Variants in PDE4B observed in about 807,000 individuals in gnomAD.
The protein encoded by PDE4B is phosphodiesterase 4B.
A neutral mutation model predicts 82.2 loss-of-function variants in PDE4B; 20 were observed. The observed-to-expected ratio is 0.24, with a 90% confidence interval of 0.17 to 0.35. The LOEUF is 0.35. Among genes scored for constraint, PDE4B ranks in the 10% least tolerant of loss-of-function variants. The pLI, the probability that PDE4B is intolerant of heterozygous loss-of-function variation, is 1.00. For missense variants in PDE4B, 655 were observed against 907.2 expected (o/e 0.72, Z 3.57); for synonymous variants, 320 against 318.9 (o/e 1.00, Z -0.04).
chr1:66,159,396 C>A (rs540286719), intron 3 of PDE4B, among the ~76,000 whole-genome samples: 1 of 151,144 alleles, frequency 6.6e-6, no homozygotes, highest in Non-Finnish European at 1.5e-5. Flanking sequence ...TGTGCCACCA[C>A]GCCCAGCTAT....
intron 3 of PDE4B, among the ~76,000 whole-genome samples, chr1:66,203,119 C>A (rs111310526): frequency 2.0e-5 from 3 of 151,622 alleles, no homozygotes; most frequent in East Asian, 3.9e-4. Context: ...CTTAGTTTGG[C>A]TGGATATGAA....
chr1:66,094,003 C>A (rs796990409), intron 3 of PDE4B, among the ~76,000 whole-genome samples: 4 of 152,074 alleles, frequency 2.6e-5, no homozygotes, highest in African/African-American at 9.6e-5. Context: ...TGAACAAAGT[C>A]CTTGATATCA....
intron 8 of PDE4B, among the ~76,000 whole-genome samples, chr1:66,345,809 A>T (rs1361486832): frequency 6.6e-6 from 1 of 151,780 alleles, no homozygotes; most frequent in East Asian, 1.9e-4. Flanking sequence ...GTTCCCAATG[A>T]CCCCCAAAGT....
At chr1:65,922,425 C>G (rs554113063) in intron 3 of PDE4B, among the ~76,000 whole-genome samples, 1 of 151,998 alleles carries the variant, frequency 6.6e-6, no homozygotes, top group South Asian at 2.1e-4. Flanking sequence ...TTCTTGGAAC[C>G]AACTTGGAAA....
intron 3 of PDE4B, among the ~76,000 whole-genome samples, chr1:66,074,835 T>C (rs1338978361): frequency 6.6e-6 from 1 of 152,144 alleles, no homozygotes; most frequent in African/African-American, 2.4e-5. Flanking sequence ...TATGGCTGAA[T>C]AATATTTAAT....
chr1:65,836,114 G>C (rs1373918589), intron 1 of PDE4B, among the ~76,000 whole-genome samples: 2 of 151,826 alleles, frequency 1.3e-5, no homozygotes, highest in Non-Finnish European at 2.9e-5. Context: ...GCTAATTTTT[G>C]TATTTTTAGT....
At chr1:66,266,115 A>G (rs1193907556) in intron 7 of PDE4B, 28 bp downstream of exon 7, 9 of 1,527,066 alleles carry the variant, frequency 5.9e-6, no homozygotes, top group Non-Finnish European at 8.2e-6. Context: ...GTCTATCTAG[A>G]TGTTTCAAGA....
At chr1:66,090,795 C>T (rs1645007399) in intron 3 of PDE4B, among the ~76,000 whole-genome samples, 1 of 150,226 alleles carries the variant, frequency 6.7e-6, no homozygotes, top group Non-Finnish European at 1.5e-5. Flanking sequence ...ACTGACATTA[C>T]TCATAATTAA....
intron 4 of PDE4B, 100 bp from the exon 5 acceptor site, chr1:66,257,547 T>C: frequency 8.9e-7 from 1 of 1,119,110 alleles, no homozygotes; most frequent in South Asian, 1.2e-5. Context: ...TTGTATAACA[T>C]TTGTGTTGTT....
chr1:66,219,826 T>C (rs749682700), intron 3 of PDE4B, among the ~76,000 whole-genome samples: 5 of 152,150 alleles, frequency 3.3e-5, no homozygotes, highest in Non-Finnish European at 7.4e-5. Context: ...AACAATAAAA[T>C]TAGAGAGCAG....
intron 3 of PDE4B, among the ~76,000 whole-genome samples, chr1:66,090,272 G>A (rs775330824): frequency 5.3e-5 from 8 of 151,906 alleles, no homozygotes; most frequent in South Asian, 4.2e-4. Flanking sequence ...TATGATGGAC[G>A]AGCTATAAAG....
At chr1:65,824,298 AAC>A (rs1245032947) in intron 1 of PDE4B, among the ~76,000 whole-genome samples, 2 of 152,192 alleles carry the variant, frequency 1.3e-5, no homozygotes, top group Non-Finnish European at 2.9e-5. Flanking sequence ...TGTTTAAGCA[AAC>A]ATATTTAATA....
At chr1:66,058,868 G>T (rs1167518855) in intron 3 of PDE4B, among the ~76,000 whole-genome samples, 1 of 152,208 alleles carries the variant, frequency 6.6e-6, no homozygotes, top group Non-Finnish European at 1.5e-5. Context: ...TTGTCTTGGG[G>T]ATTAACATTT....
At chr1:66,371,772 T>C (rs1159674441) in intron 16 of PDE4B, among the ~76,000 whole-genome samples, 1 of 152,200 alleles carries the variant, frequency 6.6e-6, no homozygotes, top group Non-Finnish European at 1.5e-5. Flanking sequence ...CACTTTGGAA[T>C]AGCAACATAT....
intron 3 of PDE4B, among the ~76,000 whole-genome samples, chr1:65,968,543 T>C (rs949164750): frequency 6.6e-6 from 1 of 151,982 alleles, no homozygotes; most frequent in African/African-American, 2.4e-5. Flanking sequence ...CTTAGAGGAA[T>C]GGGAAGTTAT....
intron 3 of PDE4B, among the ~76,000 whole-genome samples, chr1:66,217,999 A>C (rs1050005117): frequency 5.9e-5 from 9 of 152,138 alleles, no homozygotes; most frequent in African/African-American, 2.2e-4. Context: ...TAGAAAGATT[A>C]AGCTGACAAC....
chr1:66,271,290 G>A (rs556317909), intron 7 of PDE4B, among the ~76,000 whole-genome samples: 5 of 152,268 alleles, frequency 3.3e-5, no homozygotes, highest in African/African-American at 1.2e-4. Flanking sequence ...AACCGAGGAG[G>A]CCTCATCTAA....
chr1:65,797,495 C>T (rs1413494445), intron 1 of PDE4B, among the ~76,000 whole-genome samples: 1 of 152,114 alleles, frequency 6.6e-6, no homozygotes, highest in Non-Finnish European at 1.5e-5. Flanking sequence ...GTTTCAATGA[C>T]AATTTAATTT....
intron 9 of PDE4B, among the ~76,000 whole-genome samples, chr1:66,358,313 T>C (rs918461389): frequency 5.9e-4 from 90 of 152,202 alleles, no homozygotes; most frequent in African/African-American, 2.2e-3. Flanking sequence ...TAAGGACTCT[T>C]AACTGATACA....
Sources: allele counts gnomAD v4.1 joint callset (sites outside exome capture counted in the v4.1 genomes callset), GRCh38; gene constraint gnomAD v4.1.1; transcripts MANE v1.5; gene names NCBI Gene and HGNC (gene_info 2026-07-23, HGNC 2026-07-21).